The following ELOVL6 variants were observed in gnomAD, a reference collection of about 807,000 sequenced individuals.
The protein encoded by ELOVL6 is very long chain fatty acid elongase 6.
A neutral mutation model predicts 31.7 loss-of-function variants in ELOVL6; 8 were observed. The ratio of observed to expected loss-of-function variants is 0.25; its 90% CI spans 0.15 to 0.45. The LOEUF is 0.45. ELOVL6 is among the 20% of genes least tolerant of loss of function. The pLI is 1.00. For missense variants in ELOVL6, 126 were observed against 326.4 expected (o/e 0.39, Z 4.73); for synonymous variants, 101 against 117.7 (o/e 0.86, Z 0.92).
intron 2 of ELOVL6, among the ~76,000 whole-genome samples, chr4:110,084,084 G>GATATATATAACATATATATGAT (rs757436603): frequency 1.3e-5 from 1 of 77,672 alleles, no homozygotes; most frequent in Non-Finnish European, 2.5e-5. Flanking sequence ...TGCTATATAT[G>GATATATATAACATATATATGAT]ATATATAACA....
chr4:110,106,106 C>G (rs145588363), intron 1 of ELOVL6, among the ~76,000 whole-genome samples: 9,027 of 152,192 alleles, frequency 0.059, 897 homozygotes, highest in African/African-American at 0.2. Context: ...CCTGTTATCC[C>G]AGCACTTTGG....
At chr4:110,060,092 GTGTGGC>G (rs1428586527) in intron 2 of ELOVL6, 1 of 182,832 alleles carries the variant, frequency 5.5e-6, no homozygotes, top group African/African-American at 2.3e-5. Flanking sequence ...GAGCAGATGG[GTGTGGC>G]TGCAAACTCT....
chr4:110,077,634 G>A lies in ELOVL6; in HGVS notation c.222-17880C>T, dbSNP rs543840888. On this transcript the variant is annotated intron_variant, in intron 2 of 3. Coordinates refer to ENST00000302274, the MANE Select transcript of ELOVL6 (RefSeq NM_024090.3). ...CAAAGGTAGATAAAACCACAAAGACGGGGAAAAAACAGAGCAGAAAAACTG... is the reference window on the plus strand; with the variant it reads ...CAAAGGTAGATAAAACCACAAAGACAGGGAAAAAACAGAGCAGAAAAACTG... Among the ~76,000 whole-genome samples, 13 of 152,184 alleles carry A rather than the reference G, an allele frequency of 8.5e-5. No individual in the cohort carries two copies. In the South Asian group the frequency reaches 1.9e-3, roughly 22 times the overall value.
chr4:110,098,588 G>C (rs1472075018), intron 2 of ELOVL6, among the ~76,000 whole-genome samples: 5 of 151,958 alleles, frequency 3.3e-5, no homozygotes, highest in Non-Finnish European at 7.4e-5. Flanking sequence ...CCTAAACAGA[G>C]ATAATTACTA....
chr4:110,078,174 T>A (rs1755709868), intron 2 of ELOVL6, among the ~76,000 whole-genome samples: 1 of 152,186 alleles, frequency 6.6e-6, no homozygotes, highest in African/African-American at 2.4e-5. Context: ...TGCAGGATAT[T>A]ATCCAGGAGA....
chr4:110,099,852 G>A (rs1756689949), intron 2 of ELOVL6, among the ~76,000 whole-genome samples: 1 of 152,144 alleles, frequency 6.6e-6, no homozygotes, highest in Non-Finnish European at 1.5e-5. Flanking sequence ...AATGACTCAG[G>A]AGTGTCTGTG....
At chr4:110,137,061 T>G (rs1757832093) in intron 1 of ELOVL6, among the ~76,000 whole-genome samples, 1 of 152,176 alleles carries the variant, frequency 6.6e-6, no homozygotes, top group South Asian at 2.1e-4. Context: ...CTTCAGAAAT[T>G]TTATAATCTG....
intron 1 of ELOVL6, chr4:110,197,870 G>A (rs1256653291): frequency 3.7e-6 from 1 of 268,486 alleles, no homozygotes; most frequent in Non-Finnish European, 7.2e-6. Context: ...GAGGCCAAGC[G>A]AGAAAACCCA....
At chr4:110,134,001 T>C (rs770167287) in intron 1 of ELOVL6, among the ~76,000 whole-genome samples, 15 of 152,216 alleles carry the variant, frequency 9.9e-5, no homozygotes, top group Admixed American at 6.5e-4. Flanking sequence ...TATCCATTCA[T>C]TCGTTCAACA....
intron 3 of ELOVL6, among the ~76,000 whole-genome samples, chr4:110,058,987 C>G (rs772456139): frequency 6.6e-6 from 1 of 152,188 alleles, no homozygotes; most frequent in Non-Finnish European, 1.5e-5. Flanking sequence ...CTGTGCCACA[C>G]TTACATTCAA....
intron 2 of ELOVL6, among the ~76,000 whole-genome samples, chr4:110,084,169 A>ATATATCATATAACT (rs1756060304): frequency 1.2e-4 from 5 of 43,088 alleles, no homozygotes; most frequent in African/African-American, 7.9e-4. Context: ...TATATGTGAT[A>ATATATCATATAACT]TATATGATAT....
rs963681381 is a variant in ELOVL6, at chr4:110,141,857, A to G, written c.90-36229T>C. On this transcript the variant is annotated intron_variant, in intron 1 of 3. Transcript: ENST00000302274. ...TATACACTAACACAATACAATTAGT[A>G]TATATATATATATATATACTAATAC... Among the ~76,000 whole-genome samples, 493 of 108,600 alleles carry G rather than the reference A, an allele frequency of 4.5e-3. 2 individuals carry two copies. The highest frequency in any genetic ancestry group is 0.022 in the African/African-American group (452 of 20,530). The allele number at this position is 108,600 out of a possible 152,430, so 71.2% of individuals were successfully genotyped here. A position where few individuals can be genotyped will look rare whatever the true frequency, so the allele number is the denominator to read the frequency against.
chr4:110,186,660 C>T (rs1759447625), intron 1 of ELOVL6, among the ~76,000 whole-genome samples: 1 of 150,634 alleles, frequency 6.6e-6, no homozygotes, highest in Admixed American at 6.6e-5. Flanking sequence ...AAAAATGAGT[C>T]GGGCATGGTG....
rs546928858 is a variant in ELOVL6 at position 110,067,705 on chromosome 4, A to T, written c.222-7951T>A. Among the ~76,000 whole-genome samples the T allele has an allele frequency of 2.6e-5, 4 of 152,376 alleles. No homozygotes were observed. In the East Asian group the frequency reaches 7.7e-4, roughly 29 times the overall value. ...GAACATCAAGATGCACGATTAAGTG[A>T]AAAACATAAGGAGCAGGACAATATC... On this transcript the variant is annotated intron_variant, in intron 2 of 3. Transcript: ENST00000302274.
At chr4:110,189,922 A>G (rs56080960) in intron 1 of ELOVL6, among the ~76,000 whole-genome samples, 65,821 of 150,476 alleles carry the variant, frequency 0.44, 14,627 homozygotes, top group East Asian at 0.55. Context: ...AGCCGAGATC[A>G]TGCCACTGCA....
rs543822741 is a variant in ELOVL6, at chr4:110,052,464, A to G, written c.374-702T>C. Among the ~76,000 whole-genome samples the G allele has an allele frequency of 2.0e-5, 3 of 152,364 alleles. No homozygotes were observed. In the East Asian group the frequency reaches 5.8e-4, roughly 29 times the overall value. Reference sequence around the variant, plus strand: ...AAGGGTAATAGGAATATTTTATACCAGTGAATCAAGTGAGGAGCAATTGAA... The same window carrying G: ...AAGGGTAATAGGAATATTTTATACCGGTGAATCAAGTGAGGAGCAATTGAA... On this transcript the variant is annotated intron_variant, in intron 3 of 3. Coordinates refer to ENST00000302274, the MANE Select transcript of ELOVL6 (RefSeq NM_024090.3).
chr4:110,197,060 A>T (rs979863139), intron 1 of ELOVL6, among the ~76,000 whole-genome samples: 1 of 152,162 alleles, frequency 6.6e-6, no homozygotes, highest in Non-Finnish European at 1.5e-5. Context: ...CCAGTTGAAG[A>T]GGGCAGGCGG....
intron 2 of ELOVL6, among the ~76,000 whole-genome samples, chr4:110,080,105 T>A (rs1755786148): frequency 7.1e-6 from 1 of 140,912 alleles, no homozygotes; most frequent in African/African-American, 2.5e-5. Flanking sequence ...ATTAATAGCT[T>A]ACCAACCAAA....
In ELOVL6 at chr4:110,046,383, A is replaced by ACTT. The variant is rs1316381956; in HGVS notation, c.*4952_*4954dup. ...CTAGTGAAATATATTTTACTGTGAGACTTCTGCCTGCCCAGCCTAAAATCA... is the reference window on the plus strand; with the variant it reads ...CTAGTGAAATATATTTTACTGTGAGACTTCTTCTGCCTGCCCAGCCTAAAATCA... On this transcript the variant is annotated 3_prime_UTR_variant, in exon 4 of 4. Coordinates refer to ENST00000302274, the MANE Select transcript of ELOVL6 (RefSeq NM_024090.3). The ACTT allele has an allele frequency of 1.3e-5, 2 of 152,144 alleles. No individual in the cohort carries two copies. Among genetic ancestry groups the ACTT allele is most frequent in the Non-Finnish European group, 2.9e-5 (2 of 68,052 alleles). The allele number at this position is 152,144 out of a possible 1,614,324, so 9.4% of individuals were successfully genotyped here.
Sources: gnomAD v4.1 joint callset for allele counts (sites outside exome capture counted in the v4.1 genomes callset) on GRCh38, gnomAD v4.1.1 for gene constraint, MANE v1.5 for transcripts, NCBI Gene and HGNC (gene_info 2026-07-23, HGNC 2026-07-21) for gene names.